The following KLHL28 variants were observed in gnomAD, a reference collection of about 807,000 sequenced individuals.
KLHL28 encodes kelch like family member 28.
In KLHL28, 22 loss-of-function variants were observed where a neutral mutation model predicts 48.3. The ratio of observed to expected loss-of-function variants is 0.46; its 90% CI spans 0.33 to 0.65. KLHL28 has a LOEUF of 0.65. KLHL28 is among the 30% of genes least tolerant of loss of function. The pLI, the probability that KLHL28 is intolerant of heterozygous loss-of-function variation, is 0.03. For synonymous variants in KLHL28, 243 were observed against 242.4 expected (o/e 1.00, Z -0.02); for missense variants, 527 against 704.3 (o/e 0.75, Z 2.85).
chr14:44,955,295 G>A (rs985780796), intron 1 of KLHL28, among the ~76,000 whole-genome samples: 28 of 151,384 alleles, frequency 1.8e-4, no homozygotes, highest in African/African-American at 6.5e-4. Context: ...TTAAATATAC[G>A]TAATATTATT....
At chr14:44,954,788 T>A (rs1055391447) in intron 1 of KLHL28, among the ~76,000 whole-genome samples, 4 of 152,198 alleles carry the variant, frequency 2.6e-5, no homozygotes, top group Non-Finnish European at 5.9e-5. Flanking sequence ...AGAAAAGTAT[T>A]TTATGTAATT....
At chr14:44,957,145 A>T (rs1029499102) in intron 1 of KLHL28, among the ~76,000 whole-genome samples, 4 of 152,116 alleles carry the variant, frequency 2.6e-5, no homozygotes, top group African/African-American at 9.7e-5. Flanking sequence ...TTTGTAGATG[A>T]AATAATATGT....
At chr14:44,952,271 G>T (rs1226376705) in intron 1 of KLHL28, among the ~76,000 whole-genome samples, 2 of 152,084 alleles carry the variant, frequency 1.3e-5, no homozygotes, top group Admixed American at 1.3e-4. Flanking sequence ...TAAAACAGTG[G>T]TTTTCAAATC....
At chr14:44,960,903 T>C in intron 1 of KLHL28, 2 of 1,541,622 alleles carry the variant, frequency 1.3e-6, no homozygotes, top group Non-Finnish European at 8.8e-7. Context: ...CAGAGCAGGG[T>C]AGGAATACTT....
At chr14:44,943,684 A>AAAAT (rs1037709043) in intron 2 of KLHL28, among the ~76,000 whole-genome samples, 3 of 151,542 alleles carry the variant, frequency 2.0e-5, no homozygotes, top group African/African-American at 7.3e-5. Context: ...AAAAATAAAT[A>AAAAT]AAATAAATAA....
chr14:44,936,624 G>C (rs1883833388), intron 2 of KLHL28, among the ~76,000 whole-genome samples: 1 of 152,160 alleles, frequency 6.6e-6, no homozygotes, highest in Admixed American at 6.5e-5. Flanking sequence ...GTAGTTACTG[G>C]GGAGTGCTGA....
intron 2 of KLHL28, among the ~76,000 whole-genome samples, chr14:44,939,111 G>C (rs146776860): frequency 3.3e-5 from 5 of 152,200 alleles, no homozygotes; most frequent in Admixed American, 2.0e-4. Context: ...GCCTTCTAGA[G>C]TAGCAGCCTG....
rs200256990 is a variant in KLHL28 at position 44,945,187 on chromosome 14, G to A, written c.742C>T (p.Arg248Cys). The A allele has an allele frequency of 3.1e-4, 508 of 1,613,952 alleles. 1 individual carries two copies. Among genetic ancestry groups the A allele is most frequent in the Non-Finnish European group, 3.6e-4 (421 of 1,179,978 alleles). ...YEANHLIRDD[R>C]TCKHLLNEAL... ...TCATTCAAAAGATGTTTACAAGTGC[G>A]ATCATCACGAATAAGATGATTTGCT... The change falls in exon 2 of 5, where the codon CGC becomes TGC. Residue 248 changes from arginine to cysteine, a missense_variant. Physicochemically the swap from Arg to Cys is radical, Grantham distance 180. Transcript: ENST00000396128.
chr14:44,946,596 G>A (rs1299791268), intron 1 of KLHL28, among the ~76,000 whole-genome samples: 3 of 133,426 alleles, frequency 2.2e-5, no homozygotes, highest in Non-Finnish European at 4.6e-5. Flanking sequence ...TCACTCTGTC[G>A]CCCAGGCTGG....
At chr14:44,947,211 G>C (rs1371300943) in intron 1 of KLHL28, among the ~76,000 whole-genome samples, 1 of 152,218 alleles carries the variant, frequency 6.6e-6, no homozygotes, top group Admixed American at 6.5e-5. Flanking sequence ...AGGAGGTCAT[G>C]TGACTAAAGA....
rs1883313198 is a variant in KLHL28, at chr14:44,924,423, A to C, written c.*4605T>G. ...AATGATACACACAAATAACCTTTAA[A>C]ATAAAAAAGAATACAATTCTTAACT... On this transcript the variant is annotated 3_prime_UTR_variant, in exon 5 of 5. Transcript: ENST00000396128. The C allele has an allele frequency of 6.6e-6, 1 of 152,622 alleles. No individual in the cohort carries two copies. The highest frequency in any genetic ancestry group is 1.5e-5 in the Non-Finnish European group (1 of 68,036). 9.5% of individuals were successfully genotyped at this position (152,622 alleles called of 1,614,324 possible).
rs1883468966 is a variant in KLHL28, at chr14:44,928,841, T to C, written c.*187A>G. On this transcript the variant is annotated 3_prime_UTR_variant, in exon 5 of 5. Transcript: ENST00000396128. ...TCTTTTTTCTTTTTGATTATTGATT[T>C]ACTGTGTAATCAAGAGCAACCAAAA... The C allele has an allele frequency of 4.3e-6, 2 of 464,206 alleles. No homozygotes were observed. Among genetic ancestry groups the C allele is most frequent in the Non-Finnish European group, 7.6e-6 (2 of 262,378 alleles). 28.8% of individuals were successfully genotyped at this position (464,206 alleles called of 1,614,324 possible).
In KLHL28 at chr14:44,928,429, A is replaced by AT. The variant is rs1400214448; in HGVS notation, c.*598dup. ...GATAATAAAAGCAATTGTCTTAAAA[A>AT]TTTATTACATCCGTAGCCCTAAAAC... On this transcript the variant is annotated 3_prime_UTR_variant, in exon 5 of 5. Coordinates refer to ENST00000396128, the MANE Select transcript of KLHL28 (RefSeq NM_017658.5). The AT allele has an allele frequency of 6.6e-6, 1 of 152,166 alleles. No homozygotes were observed. Among genetic ancestry groups the AT allele is most frequent in the Admixed American group, 6.5e-5 (1 of 15,274 alleles). The allele number at this position is 152,166 out of a possible 1,614,324, so 9.4% of individuals were successfully genotyped here.
chr14:44,944,052 G>A (rs896980542), intron 2 of KLHL28, among the ~76,000 whole-genome samples: 1 of 152,038 alleles, frequency 6.6e-6, no homozygotes, highest in African/African-American at 2.4e-5. Context: ...GAAACGTCAA[G>A]TTTCCTAACA....
chr14:44,931,972 G>A (rs1228842892), intron 3 of KLHL28, among the ~76,000 whole-genome samples: 3 of 151,726 alleles, frequency 2.0e-5, no homozygotes, highest in African/African-American at 7.3e-5. Flanking sequence ...GAGTATGCAC[G>A]TGACTTTGAA....
chr14:44,933,135 T>A (rs1208971573), intron 3 of KLHL28, among the ~76,000 whole-genome samples: 6 of 152,174 alleles, frequency 3.9e-5, no homozygotes, highest in Non-Finnish European at 8.8e-5. Flanking sequence ...ATTATTTTGT[T>A]TTTTATTATT....
intron 1 of KLHL28, among the ~76,000 whole-genome samples, chr14:44,954,758 A>G (rs138298952): frequency 1.8e-4 from 27 of 152,354 alleles, no homozygotes; most frequent in African/African-American, 5.5e-4. Context: ...ACTCTGTTTT[A>G]TAGATTTGAC....
At position 44,935,890 on chromosome 14, in the gene KLHL28, GTA is replaced by G. The variant is rs139707349; in HGVS notation, c.900-1334_900-1333del. 8.3e-4 allele frequency among the ~76,000 whole-genome samples: 49 copies of G among 59,146 alleles called. 7 individuals carry two copies. In the East Asian group the frequency reaches 0.017, roughly 20 times the overall value. 38.8% of individuals were successfully genotyped at this position (59,146 alleles called of 152,430 possible). On this transcript the variant is annotated intron_variant, in intron 2 of 4. Coordinates refer to ENST00000396128, the MANE Select transcript of KLHL28 (RefSeq NM_017658.5). ...TATGTGTATGTATATATATATGTGTGTATATATATATATCTTTACCCTCCCCC... is the reference window on the plus strand; with the variant it reads ...TATGTGTATGTATATATATATGTGTGTATATATATATCTTTACCCTCCCCC...
chr14:44,952,219 G>A (rs532942196), intron 1 of KLHL28, among the ~76,000 whole-genome samples: 1 of 152,124 alleles, frequency 6.6e-6, no homozygotes, highest in African/African-American at 2.4e-5. Context: ...TATGACTTTA[G>A]AAAAATGCAC....
Sources: allele counts gnomAD v4.1 joint callset (sites outside exome capture counted in the v4.1 genomes callset), GRCh38; gene constraint gnomAD v4.1.1; transcripts MANE v1.5; gene names NCBI Gene and HGNC (gene_info 2026-07-23, HGNC 2026-07-21).